Variants in XKR4 observed in about 807,000 individuals in gnomAD.
The protein encoded by XKR4 is XK-related protein 4.
XKR4 carries 12 observed loss-of-function variants against 53.9 expected under a neutral mutation model. That is an observed-to-expected ratio of 0.22 (90% CI 0.14 to 0.36). XKR4 has a LOEUF of 0.36. Ranked by LOEUF, XKR4 falls within the 10% of genes least tolerant of loss-of-function variation. XKR4 has a pLI of 1.00. For missense variants in XKR4, 799 were observed against 859.5 expected (o/e 0.93, Z 0.88); for synonymous variants, 354 against 362.4 (o/e 0.98, Z 0.26).
intron 1 of XKR4, among the ~76,000 whole-genome samples, chr8:55,180,271 G>A (rs760552568): frequency 6.6e-6 from 1 of 152,196 alleles, no homozygotes; most frequent in African/African-American, 2.4e-5. Flanking sequence ...GGAGTGGTGT[G>A]TGAATATACC....
chr8:55,127,844 C>G (rs559950251), intron 1 of XKR4, among the ~76,000 whole-genome samples: 342 of 150,144 alleles, frequency 2.3e-3, no homozygotes, highest in Non-Finnish European at 3.7e-3. Context: ...GGTTTTCTGT[C>G]CTTGCGATAG....
At chr8:55,409,503 G>A (rs1804743929) in intron 2 of XKR4, among the ~76,000 whole-genome samples, 1 of 152,156 alleles carries the variant, frequency 6.6e-6, no homozygotes, top group Non-Finnish European at 1.5e-5. Context: ...TAAGTGGTAA[G>A]ACTCAACAAG....
intron 1 of XKR4, among the ~76,000 whole-genome samples, chr8:55,286,380 C>T (rs1378981668): frequency 2.6e-5 from 4 of 152,184 alleles, no homozygotes; most frequent in South Asian, 4.1e-4. Flanking sequence ...CCGCAGGGTC[C>T]GTTCTTCCCC....
chr8:55,443,126 T>C (rs1052691995), intron 2 of XKR4, among the ~76,000 whole-genome samples: 1 of 152,152 alleles, frequency 6.6e-6, no homozygotes, highest in Admixed American at 6.5e-5. Flanking sequence ...AACTAATTTA[T>C]CATGCTAGTA....
chr8:55,121,654 C>T (rs1431955042), intron 1 of XKR4, among the ~76,000 whole-genome samples: 1 of 152,138 alleles, frequency 6.6e-6, no homozygotes. Context: ...GGTACCAACT[C>T]TCTAGATTCA....
chr8:55,309,854 G>C (rs1309183662), intron 1 of XKR4, among the ~76,000 whole-genome samples: 1 of 152,184 alleles, frequency 6.6e-6, no homozygotes, highest in African/African-American at 2.4e-5. Flanking sequence ...TAGGGACAAA[G>C]CTATCTAATT....
chr8:55,494,390 C>T (rs922904298), intron 2 of XKR4, among the ~76,000 whole-genome samples: 1 of 152,242 alleles, frequency 6.6e-6, no homozygotes, highest in Non-Finnish European at 1.5e-5. Flanking sequence ...TTTCTTCACC[C>T]ACAACATGGC....
chr8:55,106,194 A>G (rs1422654747), intron 1 of XKR4, among the ~76,000 whole-genome samples: 1 of 152,216 alleles, frequency 6.6e-6, no homozygotes, highest in Non-Finnish European at 1.5e-5. Context: ...GAAGGACCAG[A>G]TTCTAAAAGC....
chr8:55,520,412 C>A (rs1486237472), intron 2 of XKR4, among the ~76,000 whole-genome samples: 1 of 152,196 alleles, frequency 6.6e-6, no homozygotes, highest in South Asian at 2.1e-4. Flanking sequence ...ATGGTGAAAC[C>A]CCCTCTCTAC....
chr8:55,357,726 G>A lies in XKR4; in HGVS notation c.855G>A (p.Glu285=). The change falls in exon 2 of 3, where the codon GAG becomes GAA. Residue 285 remains glutamate, a synonymous_variant. Coordinates refer to ENST00000327381, the MANE Select transcript of XKR4 (RefSeq NM_052898.2). ...YLGIRSRQSG[E]NDRWRFYWKM... ...GTATTCGAAGCCGACAGAGTGGGGA[G>A]AATGACAGATGGAGGTTTTACTGGA... 6.2e-7 allele frequency: 1 copy of A among 1,614,202 alleles called. No individual in the cohort carries two copies. Among genetic ancestry groups the A allele is most frequent in the Non-Finnish European group, 8.5e-7 (1 of 1,180,024 alleles).
chr8:55,192,913 T>G (rs1405790467), intron 1 of XKR4, among the ~76,000 whole-genome samples: 1 of 152,146 alleles, frequency 6.6e-6, no homozygotes, highest in East Asian at 1.9e-4. Flanking sequence ...GGAACTCCAC[T>G]GAGTGAGGCT....
intron 2 of XKR4, among the ~76,000 whole-genome samples, chr8:55,521,577 G>GAAA (rs1318843384): frequency 6.6e-6 from 1 of 152,164 alleles, no homozygotes; most frequent in Non-Finnish European, 1.5e-5. Flanking sequence ...GAAAAGAAAA[G>GAAA]AAAAACCTGA....
chr8:55,472,474 A>T (rs563918018), intron 2 of XKR4, among the ~76,000 whole-genome samples: 1 of 152,140 alleles, frequency 6.6e-6, no homozygotes, highest in African/African-American at 2.4e-5. Flanking sequence ...GTCAAACAAG[A>T]TACCCAGAAT....
intron 1 of XKR4, among the ~76,000 whole-genome samples, chr8:55,140,636 C>G (rs149437715): frequency 6.6e-6 from 1 of 152,320 alleles, no homozygotes; most frequent in Non-Finnish European, 1.5e-5. Flanking sequence ...TGGACATAAG[C>G]TTATGCCTGC....
Position 55,454,254 on chromosome 8 carries a change from C to G in XKR4, c.1007-69027C>G, listed in dbSNP as rs920979010. 29 of 1,271,684 alleles carry G rather than the reference C, an allele frequency of 2.3e-5. No individual in the cohort carries two copies. The African/African-American group carries it at 3.2e-4, about 14-fold the overall frequency. The allele number at this position is 1,271,684 out of a possible 1,614,324, so 78.8% of individuals were successfully genotyped here. A position where few individuals can be genotyped will look rare whatever the true frequency, so the allele number is the denominator to read the frequency against. On this transcript the variant is annotated intron_variant, in intron 2 of 2. Coordinates refer to ENST00000327381, the MANE Select transcript of XKR4 (RefSeq NM_052898.2). ...GTCACCGTCTCTCCATCCAGATCAGCTACAATCACGTCTAGCAGCTCCTGG... is the reference window on the plus strand; with the variant it reads ...GTCACCGTCTCTCCATCCAGATCAGGTACAATCACGTCTAGCAGCTCCTGG...
chr8:55,417,481 G>T (rs762255797), intron 2 of XKR4, among the ~76,000 whole-genome samples: 1 of 152,078 alleles, frequency 6.6e-6, no homozygotes, highest in Non-Finnish European at 1.5e-5. Context: ...TTCAAATTTT[G>T]GATAGAATGC....
At chr8:55,200,219 C>G (rs191587146) in intron 1 of XKR4, among the ~76,000 whole-genome samples, 269 of 152,294 alleles carry the variant, frequency 1.8e-3, no homozygotes, top group African/African-American at 6.4e-3. Context: ...AGGCGCCCAC[C>G]ACAACGCCCA....
At chr8:55,482,560 AAAAT>A (rs140048815) in intron 2 of XKR4, among the ~76,000 whole-genome samples, 52,053 of 151,502 alleles carry the variant, frequency 0.34, 10,854 homozygotes, top group African/African-American at 0.6. Flanking sequence ...GATAAAATTA[AAAAT>A]AAATAAATAA....
intron 2 of XKR4, chr8:55,454,004 G>C: frequency 1.2e-6 from 1 of 867,178 alleles, no homozygotes; most frequent in Non-Finnish European, 1.9e-6. Flanking sequence ...GACAGGCTCC[G>C]GGTGAATGCA....
Sources: allele counts gnomAD v4.1 joint callset (sites outside exome capture counted in the v4.1 genomes callset), GRCh38; gene constraint gnomAD v4.1.1; transcripts MANE v1.5; gene names NCBI Gene and HGNC (gene_info 2026-07-23, HGNC 2026-07-21).